The following CLASP1 variants were observed in gnomAD, a reference collection of about 807,000 sequenced individuals.
CLASP1 encodes the protein CLIP-associating protein 1.
A neutral mutation model predicts 192.3 loss-of-function variants in CLASP1; 38 were observed. The observed-to-expected ratio is 0.20, with a 90% CI of 0.15 to 0.26. The LOEUF is 0.26. CLASP1 is among the 10% of genes least tolerant of loss of function. CLASP1 has a pLI of 1.00. For missense variants in CLASP1, 1,433 were observed against 1,932.5 expected (o/e 0.74, Z 4.85); for synonymous variants, 691 against 712.8 (o/e 0.97, Z 0.49).
In CLASP1 at chr2:121,365,244, T is replaced by C. The variant is rs1457960230; in HGVS notation, c.3927A>G (p.Lys1309=). 1.2e-5 allele frequency: 20 copies of C among 1,613,536 alleles called. No homozygotes were observed. The Admixed American group carries it at 3.3e-4, about 27-fold the overall frequency. ...CTCGCTCATTGTGGTTGGACAGCTC[T>C]TTCAGAAGGTCAGCCACCAGGTCAG... The change falls in exon 36 of 40, where the codon AAA becomes AAG. Residue 1309 remains lysine (K), a synonymous_variant. Coordinates refer to ENST00000263710, the Ensembl canonical transcript of CLASP1.
intron 2 of CLASP1, among the ~76,000 whole-genome samples, chr2:121,597,070 C>T (rs2063224462): frequency 6.6e-6 from 1 of 152,114 alleles, no homozygotes; most frequent in African/African-American, 2.4e-5. Flanking sequence ...CCCAGTTTTT[C>T]CCTACTGTGT....
intron 32 of CLASP1, among the ~76,000 whole-genome samples, chr2:121,384,730 A>T (rs1558976740): frequency 6.6e-6 from 1 of 152,080 alleles, no homozygotes; most frequent in African/African-American, 2.4e-5. Context: ...AAAATACAAA[A>T]ATTAGCTGGG....
At position 121,579,142 on chromosome 2, in the gene CLASP1, C is replaced by T. The variant is rs1385280049; in HGVS notation, c.195+26559G>A. ...TTAGAGGTGAGCCTAGTCATTTATTCATATGGTTTTTTTACTCTCACATCA... is the reference window on the plus strand; with the variant it reads ...TTAGAGGTGAGCCTAGTCATTTATTTATATGGTTTTTTTACTCTCACATCA... On this transcript the variant is annotated intron_variant, in intron 2 of 39. Transcript: ENST00000263710. Among the ~76,000 whole-genome samples, 7 of 152,252 alleles carry T rather than the reference C, an allele frequency of 4.6e-5. No homozygotes were observed. In the East Asian group the frequency reaches 1.4e-3, roughly 29 times the overall value.
At chr2:121,616,147 A>G (rs1187141348) in intron 1 of CLASP1, among the ~76,000 whole-genome samples, 1 of 152,166 alleles carries the variant, frequency 6.6e-6, no homozygotes, top group Non-Finnish European at 1.5e-5. Flanking sequence ...CAATAACCAC[A>G]TTAAAAAATC....
At chr2:121,451,035 T>C (rs780906062) in intron 15 of CLASP1, 45 bp from the exon 16 acceptor site, 1 of 1,296,544 alleles carries the variant, frequency 7.7e-7, no homozygotes, top group East Asian at 2.3e-5. Context: ...AAATGTATGG[T>C]TTGATGCAAG....
chr2:121,458,568 C>T (rs1008200849), intron 13 of CLASP1, among the ~76,000 whole-genome samples: 1 of 152,016 alleles, frequency 6.6e-6, no homozygotes, highest in Admixed American at 6.6e-5. Flanking sequence ...AAGCAGACAC[C>T]GGATGTTCGA....
intron 32 of CLASP1, among the ~76,000 whole-genome samples, chr2:121,384,007 T>TATATACACACAC: frequency 7.2e-6 from 1 of 139,694 alleles, no homozygotes; most frequent in East Asian, 2.0e-4. Context: ...TATATATATA[T>TATATACACACAC]ACACACACAC....
intron 2 of CLASP1, among the ~76,000 whole-genome samples, chr2:121,549,073 A>G (rs2057753803): frequency 6.6e-6 from 1 of 152,232 alleles, no homozygotes; most frequent in African/African-American, 2.4e-5. Flanking sequence ...GACAGGATTA[A>G]ATACACATAT....
intron 2 of CLASP1, chr2:121,531,085 A>AGTAGAG: frequency 1.5e-6 from 1 of 671,028 alleles, no homozygotes; most frequent in Non-Finnish European, 2.8e-6. Context: ...TGGTTAAACC[A>AGTAGAG]GTAGAGGGTG....
chr2:121,467,948 CTT>C (rs1168926341), intron 9 of CLASP1, among the ~76,000 whole-genome samples: 1 of 152,314 alleles, frequency 6.6e-6, no homozygotes, highest in African/African-American at 2.4e-5. Flanking sequence ...TTTCATCCAT[CTT>C]GAGTTGATTT....
intron 19 of CLASP1, among the ~76,000 whole-genome samples, chr2:121,445,933 A>G (rs187770672): frequency 1.1e-4 from 16 of 152,358 alleles, no homozygotes; most frequent in Admixed American, 1.0e-3. Flanking sequence ...AGGTGGATCT[A>G]ATATACTAAA....
chr2:121,634,955 T>C (rs2106271458), intron 1 of CLASP1, among the ~76,000 whole-genome samples: 1 of 152,328 alleles, frequency 6.6e-6, no homozygotes, highest in East Asian at 1.9e-4. Flanking sequence ...AGGATGGAGA[T>C]AGCAAAAGAT....
At chr2:121,438,708 G>C (rs866854808) in intron 19 of CLASP1, among the ~76,000 whole-genome samples, 3 of 152,152 alleles carry the variant, frequency 2.0e-5, no homozygotes, top group East Asian at 1.9e-4. Flanking sequence ...TAAGCTTTTC[G>C]ATGTGCTGCT....
At chr2:121,340,669 C>T (rs2062682803) in exon 40 of CLASP1, 3 of 581,004 alleles carry the variant, frequency 5.2e-6, no homozygotes, top group Non-Finnish European at 9.2e-6. Context: ...GACTGCAATA[C>T]AGGCCTTGCT....
chr2:121,550,663 C>T (rs1380775562), intron 2 of CLASP1, among the ~76,000 whole-genome samples: 2 of 152,154 alleles, frequency 1.3e-5, no homozygotes, highest in African/African-American at 2.4e-5. Context: ...AATTCCTGGA[C>T]ACATACAGTC....
chr2:121,585,162 T>C (rs1312714769), intron 2 of CLASP1, among the ~76,000 whole-genome samples: 3 of 152,184 alleles, frequency 2.0e-5, no homozygotes, highest in Admixed American at 6.5e-5. Flanking sequence ...GGAGTGTGAA[T>C]TCTAACCCAA....
intron 34 of CLASP1, among the ~76,000 whole-genome samples, chr2:121,376,023 C>CA (rs1347256140): frequency 3.9e-5 from 6 of 152,082 alleles, no homozygotes; most frequent in African/African-American, 1.4e-4. Flanking sequence ...ATAAAAAAGA[C>CA]AAAAAATAAC....
intron 1 of CLASP1, among the ~76,000 whole-genome samples, chr2:121,617,434 C>T (rs2066648173): frequency 6.6e-6 from 1 of 152,134 alleles, no homozygotes; most frequent in Non-Finnish European, 1.5e-5. Context: ...AACAGTGAAG[C>T]TTCTTTAAGC....
intron 2 of CLASP1, among the ~76,000 whole-genome samples, chr2:121,551,290 C>T (rs371573920): frequency 2.0e-5 from 3 of 152,138 alleles, no homozygotes; most frequent in South Asian, 2.1e-4. Flanking sequence ...AAAACCGGCA[C>T]AAGACAAGGA....
Sources: allele counts gnomAD v4.1 joint callset (sites outside exome capture counted in the v4.1 genomes callset), GRCh38; gene constraint gnomAD v4.1.1; transcripts MANE v1.5; gene names NCBI Gene and HGNC (gene_info 2026-07-23, HGNC 2026-07-21).